RYR1: variants seen among roughly 807,000 people sequenced by gnomAD.
The protein encoded by RYR1 is central core disease of muscle.
RYR1 carries 342 observed loss-of-function variants against 583.5 expected under a neutral mutation model. The ratio of observed to expected loss-of-function variants is 0.59; its 90% CI spans 0.54 to 0.64. The LOEUF is 0.64. RYR1 is among the 30% of genes least tolerant of loss of function. The pLI is 0.00. For missense variants in RYR1, 6,032 were observed against 6,917.2 expected, an observed-to-expected ratio of 0.87 and a Z score of 4.54; for synonymous variants, 2,791 against 2,822.5, an observed-to-expected ratio of 0.99 and a Z score of 0.35.
At chr19:38,474,239 C>G (rs1295681980) in intron 28 of RYR1, among the ~76,000 whole-genome samples, 1 of 152,068 alleles carries the variant, frequency 6.6e-6, no homozygotes, top group Non-Finnish European at 1.5e-5. Flanking sequence ...TGCTTTTTCC[C>G]TACAATGGCA....
At position 38,490,670 on chromosome 19, in the gene RYR1, C is replaced by G. The variant is rs1969512996; in HGVS notation, c.6065C>G (p.Pro2022Arg). 3.1e-6 allele frequency: 5 copies of G among 1,613,534 alleles called. No individual in the cohort carries two copies. Among genetic ancestry groups the G allele is most frequent in the South Asian group, 1.1e-5 (1 of 91,072 alleles). Residue 2022 changes from proline (P) to arginine (R), a missense_variant, in exon 37 of 106, where the codon CCT becomes CGT. Pro to Arg is a moderately radical substitution (Grantham distance 103, BLOSUM62 -2). This residue lies in a region of RYR1 where 2,627 missense variants were observed against 2,961.3 expected (regional missense o/e 0.89). Transcript: ENST00000359596. The part of the protein sequence containing the change: ...FKDGTDEEDC[P>R]LPEEIRQDLL... ...GATGGTACAGATGAGGAAGACTGTC[C>G]TCTCCCTGAAGAGATTCGACAGGAT... is the stretch of plus-strand genomic sequence containing the variant.
Position 38,485,787 on chromosome 19 carries a change from A to G in RYR1, c.5132A>G (p.Tyr1711Cys), listed in dbSNP as rs754785770. 1.5e-5 allele frequency: 25 copies of G among 1,613,206 alleles called. No homozygotes were observed. The highest frequency in any genetic ancestry group is 5.3e-5 in the African/African-American group (4 of 74,908). Residue 1711 changes from tyrosine to cysteine, a missense_variant, in exon 34 of 106, where the codon TAT becomes TGT. Transcript: ENST00000359596. Reference protein sequence around the residue: ...HLPGPLRAGYYDLLISIHLES... With the variant: ...HLPGPLRAGYCDLLISIHLES... Reference sequence around the variant, plus strand: ...CCAGGCCCACTGCGCGCAGGCTACTATGACCTCCTCATCAGCATCCACCTC... The same window carrying G: ...CCAGGCCCACTGCGCGCAGGCTACTGTGACCTCCTCATCAGCATCCACCTC...
At chr19:38,563,371 T>C (rs762455817) in intron 90 of RYR1, among the ~76,000 whole-genome samples, 1 of 152,190 alleles carries the variant, frequency 6.6e-6, no homozygotes, top group Non-Finnish European at 1.5e-5. Context: ...TTCAAGCGGT[T>C]TTCCTGTCTC....
At chr19:38,477,167 G>T (rs1054357036) in intron 29 of RYR1, among the ~76,000 whole-genome samples, 2 of 152,076 alleles carry the variant, frequency 1.3e-5, no homozygotes, top group African/African-American at 4.8e-5. Flanking sequence ...TTTTGAGATG[G>T]AGTCTCACTC....
chr19:38,468,896 C>T, intron 25 of RYR1, 70 bp from the exon 26 acceptor site: 1 of 1,528,944 alleles, frequency 6.5e-7, no homozygotes, highest in Non-Finnish European at 9.0e-7. Flanking sequence ...ATCTCTCCCT[C>T]CCTGCTTCCT....
chr19:38,517,007 G>A (rs553248969), intron 65 of RYR1, among the ~76,000 whole-genome samples: 1 of 152,250 alleles, frequency 6.6e-6, no homozygotes, highest in Admixed American at 6.5e-5. Context: ...AGAGAGACAA[G>A]GCGGGGAGAC....
At chr19:38,478,335 GACTCT>G in intron 30 of RYR1, 95 bp from the exon 31 acceptor site, 1 of 1,332,808 alleles carries the variant, frequency 7.5e-7, no homozygotes, top group Non-Finnish European at 1.1e-6. Flanking sequence ...TTGGGGATGG[GACTCT>G]GAGGTTGTGT....
chr19:38,535,453 T>C (rs945419438), intron 81 of RYR1, 61 bp downstream of exon 81: 3 of 1,246,208 alleles, frequency 2.4e-6, no homozygotes, highest in African/African-American at 3.0e-5. Context: ...ACCCCACTCC[T>C]GGTACCATTT....
chr19:38,444,256 T>C lies in RYR1; in HGVS notation c.532T>C (p.Tyr178His), dbSNP rs1568436105. The change falls in exon 6 of 106, where the codon TAC becomes CAC. Residue 178 changes from tyrosine to histidine, a missense_variant. Around this residue, in one of 11 missense-constraint regions of RYR1, gnomAD observed 338 missense variants for 441.6 expected, o/e 0.77. Transcript: ENST00000359596. This position sits in a 1 kb window ranked among gnomAD's most constrained non-coding sequence, Gnocchi z 5.1. ...IILVSVSSER[Y>H]LHLSTASGEL... Reference sequence around the variant, plus strand: ...CCTTGTCAGTGTCTCCTCCGAGCGCTACCTGGTGAGCCATTGCGGTTCCTC... The same window carrying C: ...CCTTGTCAGTGTCTCCTCCGAGCGCCACCTGGTGAGCCATTGCGGTTCCTC... The C allele has an allele frequency of 4.3e-6, 7 of 1,612,662 alleles. No homozygotes were observed. The highest frequency in any genetic ancestry group is 5.9e-6 in the Non-Finnish European group (7 of 1,178,740).
intron 91 of RYR1, among the ~76,000 whole-genome samples, chr19:38,566,537 G>C (rs1372967368): frequency 6.9e-6 from 1 of 144,844 alleles, no homozygotes; most frequent in African/African-American, 2.6e-5. Flanking sequence ...ACTAGGAAAA[G>C]ACCCTCGGAG....
chr19:38,480,923 T>G (rs1968979057), intron 31 of RYR1, among the ~76,000 whole-genome samples: 1 of 152,008 alleles, frequency 6.6e-6, no homozygotes. Context: ...AGACGGGGTC[T>G]GGCTATATTG....
rs1451861216 is a variant in RYR1, at chr19:38,586,455, T to G, written c.14970-70T>G. On this transcript the variant is annotated intron_variant, in intron 104 of 105. Coordinates refer to ENST00000359596, the MANE Select transcript of RYR1 (RefSeq NM_000540.3). ...GGGCAACATAGCAAGACTTCCTCTC[T>G]ACTATAAATGAAAAATAAAATAAGG... 2.0e-6 allele frequency: 3 copies of G among 1,484,160 alleles called. No individual in the cohort carries two copies. In the African/African-American group the frequency reaches 4.2e-5, roughly 21 times the overall value. The allele number at this position is 1,484,160 out of a possible 1,614,324, so 91.9% of individuals were successfully genotyped here.
intron 7 of RYR1, among the ~76,000 whole-genome samples, chr19:38,445,859 G>T (rs894866149): frequency 6.8e-6 from 1 of 147,782 alleles, no homozygotes; most frequent in African/African-American, 2.5e-5. Context: ...GCATGATGGC[G>T]GGCGGCTGTA....
At chr19:38,557,103 G>C (rs965914387) in intron 89 of RYR1, among the ~76,000 whole-genome samples, 2 of 139,192 alleles carry the variant, frequency 1.4e-5, no homozygotes, top group African/African-American at 5.4e-5. Context: ...ACCCAGGCTG[G>C]AGTGCAGTGG....
chr19:38,562,586 G>A (rs1205990250), intron 90 of RYR1, among the ~76,000 whole-genome samples: 3 of 152,066 alleles, frequency 2.0e-5, no homozygotes, highest in Admixed American at 6.6e-5. Context: ...TCATGCACGC[G>A]GGCTCATGTC....
intron 67 of RYR1, among the ~76,000 whole-genome samples, chr19:38,521,432 G>C (rs1021379704): frequency 6.6e-6 from 1 of 151,452 alleles, no homozygotes; most frequent in Non-Finnish European, 1.5e-5. Context: ...CCAGCACTTT[G>C]GGTGGCCAAA....
chr19:38,531,369 G>A (rs567999889), intron 76 of RYR1, among the ~76,000 whole-genome samples: 1 of 152,018 alleles, frequency 6.6e-6, no homozygotes, highest in African/African-American at 2.4e-5. Flanking sequence ...ATAAAATAGG[G>A]CTATTAACAT....
rs1225286685 is a variant in RYR1 at position 38,458,193 on chromosome 19, G to A, written c.2068G>A (p.Gly690Ser). 6.8e-6 allele frequency: 11 copies of A among 1,610,424 alleles called. No homozygotes were observed. The highest frequency in any genetic ancestry group is 6.8e-5 in the African/African-American group (5 of 73,870). ...HLRVGWALTE[G>S]YTPYPGAGEG... ...GCGGGTGGGCTGGGCCCTCACCGAG[G>A]GCTACACCCCCTACCCTGGGGCCGG... Residue 690 changes from glycine to serine, a missense_variant, in exon 18 of 106, where the codon GGC becomes AGC. Transcript: ENST00000359596.
Position 38,490,733 on chromosome 19 carries a change from G to A in RYR1, c.6127+1G>A, listed in dbSNP as rs1283302989. 7.5e-6 allele frequency: 12 copies of A among 1,596,966 alleles called. No homozygotes were observed. The highest frequency in any genetic ancestry group is 1.0e-5 in the Non-Finnish European group (12 of 1,164,368). Reference sequence around the variant, plus strand: ...CATCAAGACCTGCTGGCACACTGTGGTAAGGAGTGGGGATCAGAGAGTCCT... The same window carrying A: ...CATCAAGACCTGCTGGCACACTGTGATAAGGAGTGGGGATCAGAGAGTCCT... On this transcript the variant is annotated splice_donor_variant, in intron 37 of 105. Transcript: ENST00000359596. LOFTEE classifies it high-confidence loss of function.
Sources: allele counts gnomAD v4.1 joint callset (sites outside exome capture counted in the v4.1 genomes callset), GRCh38; gene constraint gnomAD v4.1.1; regional missense constraint gnomAD v4.1.1; non-coding constraint Gnocchi (gnomAD v3.1); transcripts MANE v1.5; gene names NCBI Gene and HGNC (gene_info 2026-07-23, HGNC 2026-07-21).